The following PKP4 variants were observed in gnomAD, a reference collection of about 807,000 sequenced individuals.
PKP4 encodes plakophilin-4.
A neutral mutation model predicts 145.1 loss-of-function variants in PKP4; 90 were observed. That is an observed-to-expected ratio of 0.62 (90% CI 0.52 to 0.74). The LOEUF (loss-of-function observed/expected upper bound fraction) is 0.74, where lower values mean the gene tolerates loss of function less well. PKP4 is among the 30% of genes least tolerant of loss of function. The pLI is 0.00. For synonymous variants in PKP4, 563 were observed against 577.2 expected (o/e 0.98, Z 0.35); for missense variants, 1,340 against 1,482.7 (o/e 0.90, Z 1.58).
At chr2:158,483,526 C>T (rs1125843) in intron 1 of PKP4, among the ~76,000 whole-genome samples, 101,723 of 151,918 alleles carry the variant, frequency 0.67, 34,272 homozygotes, top group South Asian at 0.83. Flanking sequence ...ATATTAATGA[C>T]AAAATATGTA....
intron 3 of PKP4, among the ~76,000 whole-genome samples, chr2:158,596,939 C>G (rs1351048807): frequency 6.6e-6 from 1 of 152,212 alleles, no homozygotes; most frequent in Non-Finnish European, 1.5e-5. Context: ...AGATTCCTAC[C>G]TGGGTGCTCC....
At chr2:158,559,534 G>A (rs1359585402) in intron 2 of PKP4, among the ~76,000 whole-genome samples, 1 of 151,948 alleles carries the variant, frequency 6.6e-6, no homozygotes, top group Non-Finnish European at 1.5e-5. Flanking sequence ...ACTCTGCGGA[G>A]GACTTACACC....
chr2:158,678,747 T>C (rs541496620), intron 21 of PKP4, 93 bp downstream of exon 21: 23 of 860,138 alleles, frequency 2.7e-5, no homozygotes, highest in South Asian at 2.4e-4. Flanking sequence ...TGGGCCAACA[T>C]GGCAGGGTCC....
At chr2:158,629,199 G>A (rs919720546) in intron 7 of PKP4, among the ~76,000 whole-genome samples, 2 of 152,064 alleles carry the variant, frequency 1.3e-5, no homozygotes, top group African/African-American at 2.4e-5. Context: ...GGTTTCCATG[G>A]CCCCCTCCTT....
chr2:158,569,222 T>C (rs2047235643), intron 2 of PKP4, among the ~76,000 whole-genome samples: 1 of 152,226 alleles, frequency 6.6e-6, no homozygotes, highest in Admixed American at 6.5e-5. Flanking sequence ...TCTGCTTCAT[T>C]AAAACTGGAG....
chr2:158,562,069 A>G (rs899064349), intron 2 of PKP4, among the ~76,000 whole-genome samples: 1 of 152,138 alleles, frequency 6.6e-6, no homozygotes. Context: ...GCCTTTCACT[A>G]TTGAATTTTG....
chr2:158,460,289 A>G (rs1689569139), intron 1 of PKP4, among the ~76,000 whole-genome samples: 1 of 152,226 alleles, frequency 6.6e-6, no homozygotes, highest in Admixed American at 6.5e-5. Flanking sequence ...GAATTTAAAG[A>G]AACTACTACC....
At chr2:158,573,206 G>A (rs1269759510) in intron 2 of PKP4, among the ~76,000 whole-genome samples, 1 of 152,182 alleles carries the variant, frequency 6.6e-6, no homozygotes, top group African/African-American at 2.4e-5. Context: ...TACATGTATT[G>A]ATGTTAATAA....
At chr2:158,614,185 C>T (rs116724402) in intron 4 of PKP4, among the ~76,000 whole-genome samples, 1,528 of 151,878 alleles carry the variant, frequency 0.01, 20 homozygotes, top group South Asian at 0.038. Context: ...TGAAATGATC[C>T]GACGTGAGAG....
chr2:158,593,028 A>G (rs563810372), intron 3 of PKP4, among the ~76,000 whole-genome samples: 1 of 152,280 alleles, frequency 6.6e-6, no homozygotes, highest in South Asian at 2.1e-4. Context: ...CAAGTATAAC[A>G]TATAGATGCT....
intron 1 of PKP4, among the ~76,000 whole-genome samples, chr2:158,491,683 A>G (rs1032743983): frequency 6.6e-6 from 1 of 152,036 alleles, no homozygotes; most frequent in African/African-American, 2.4e-5. Flanking sequence ...TGTGCTATCA[A>G]AATCATCGTT....
At chr2:158,573,654 CA>C (rs56145817) in intron 2 of PKP4, among the ~76,000 whole-genome samples, 16,596 of 128,050 alleles carry the variant, frequency 0.13, 1,087 homozygotes, top group Non-Finnish European at 0.17. Context: ...AAATGGAAGC[CA>C]AAAAAAAAAA....
chr2:158,528,829 A>G (rs2043233232), intron 1 of PKP4, among the ~76,000 whole-genome samples: 1 of 152,168 alleles, frequency 6.6e-6, no homozygotes, highest in Non-Finnish European at 1.5e-5. Flanking sequence ...CTAATGCTAC[A>G]ATTTCCAGTA....
intron 17 of PKP4, 53 bp from the exon 18 acceptor site, chr2:158,673,624 T>C (rs1218542345): frequency 7.6e-7 from 1 of 1,315,572 alleles, no homozygotes; most frequent in Non-Finnish European, 1.1e-6. Flanking sequence ...CCCCTCTGAG[T>C]GGGGCTGAGG....
rs190340584 is a variant in PKP4 at position 158,621,180 on chromosome 2, G to A, written c.413-51G>A. The stretch of plus-strand genomic sequence containing the variant: ...CTTTTAAGATTTTATTCTTGAAAGC[G>A]AGTGTCAGAAGTGTGTATAATAAAG... On this transcript the variant is annotated intron_variant, in intron 5 of 21. Transcript: ENST00000389759. 1.4e-4 allele frequency: 218 copies of A among 1,612,718 alleles called. 1 individual carries two copies. In the African/African-American group the frequency reaches 1.9e-3, roughly 14 times the overall value.
At chr2:158,537,865 C>T (rs763333797) in intron 2 of PKP4, among the ~76,000 whole-genome samples, 22 of 151,932 alleles carry the variant, frequency 1.4e-4, no homozygotes, top group Admixed American at 9.8e-4. Flanking sequence ...CCTGTCTCTA[C>T]AAAAAATACA....
intron 1 of PKP4, among the ~76,000 whole-genome samples, chr2:158,461,181 G>T (rs1270729944): frequency 1.3e-5 from 2 of 152,126 alleles, no homozygotes; most frequent in Non-Finnish European, 2.9e-5. Flanking sequence ...TTCTTACCTT[G>T]TCACTTTAAT....
At position 158,661,351 on chromosome 2, in the gene PKP4, G is replaced by C; in HGVS notation, c.2112G>C (p.Gly704=). ...TGCLRNLSSA[G]EEARKQMRSC... is the part of the protein sequence containing the mutation. ...CCTTTAGGAACCTCAGCTCCGCGGG[G>C]GAAGAAGCTCGGAAGCAAATGCGGT... Residue 704 remains glycine, a synonymous_variant, in exon 13 of 22, where the codon GGG becomes GGC. Transcript: ENST00000389759. The C allele has an allele frequency of 6.2e-7, 1 of 1,613,640 alleles. No individual in the cohort carries two copies. The highest frequency in any genetic ancestry group is 1.1e-5 in the South Asian group (1 of 91,070).
At chr2:158,671,375 G>C (rs1284399990) in intron 17 of PKP4, among the ~76,000 whole-genome samples, 2 of 151,934 alleles carry the variant, frequency 1.3e-5, no homozygotes, top group Non-Finnish European at 2.9e-5. Context: ...AATGGTTATA[G>C]GGGGTGGGGA....
Sources: allele counts gnomAD v4.1 joint callset (sites outside exome capture counted in the v4.1 genomes callset), GRCh38; gene constraint gnomAD v4.1.1; transcripts MANE v1.5; gene names NCBI Gene and HGNC (gene_info 2026-07-23, HGNC 2026-07-21).